The following YPEL2 variants were observed in gnomAD, a reference collection of about 807,000 sequenced individuals.
YPEL2 encodes yippee like 2, also known as protein yippee-like 2.
A neutral mutation model predicts 19.1 loss-of-function variants in YPEL2; 2 were observed. The ratio of observed to expected loss-of-function variants is 0.10; its 90% confidence interval spans 0.04 to 0.33. The LOEUF (loss-of-function observed/expected upper bound fraction) is 0.33, where lower values mean the gene tolerates loss of function less well. Among genes scored for constraint, YPEL2 ranks in the 10% least tolerant of loss-of-function variants. The pLI, the probability that YPEL2 is intolerant of heterozygous loss-of-function variation, is 1.00. For missense variants in YPEL2, 66 were observed against 140.7 expected (o/e 0.47, Z 2.68); for synonymous variants, 52 against 50.0 (o/e 1.04, Z -0.17).
chr17:59,386,330 A>G lies in YPEL2; in HGVS notation c.118-1997A>G, dbSNP rs181696040. ...TGACAGAGTGGGACTCTCTTGGGGG[A>G]AAAAAAAAAGGAAAGAAAGAAAAAG... On this transcript the variant is annotated intron_variant, in intron 2 of 4. Transcript: ENST00000312655. 4.3e-4 allele frequency among the ~76,000 whole-genome samples: 62 copies of G among 144,968 alleles called. No homozygotes were observed. In the East Asian group the frequency reaches 5.1e-3, roughly 12 times the overall value.
At position 59,383,218 on chromosome 17, in the gene YPEL2, CTT is replaced by C. The variant is rs370562447; in HGVS notation, c.118-5107_118-5106del. ...ATATTTACATACAGTAAAATTCACTCTTTGGTGAATAGTCATACGAGTTTTAA... is the reference window on the plus strand; with the variant it reads ...ATATTTACATACAGTAAAATTCACTCTGGTGAATAGTCATACGAGTTTTAA... On this transcript the variant is annotated intron_variant, in intron 2 of 4. Transcript: ENST00000312655. Among the ~76,000 whole-genome samples, 13 of 152,008 alleles carry C rather than the reference CTT, an allele frequency of 8.6e-5. No homozygotes were observed. The East Asian group carries it at 1.9e-3, about 23-fold the overall frequency.
At chr17:59,333,157 G>T (rs1445595161) in intron 1 of YPEL2, among the ~76,000 whole-genome samples, 2 of 152,204 alleles carry the variant, frequency 1.3e-5, no homozygotes, top group Non-Finnish European at 2.9e-5. Flanking sequence ...TCTTGCCTCC[G>T]GTGAGGAACA....
At chr17:59,359,211 A>G (rs867792836) in intron 2 of YPEL2, among the ~76,000 whole-genome samples, 2 of 152,180 alleles carry the variant, frequency 1.3e-5, no homozygotes, top group South Asian at 4.1e-4. Flanking sequence ...GGCGTGACCC[A>G]CTGCACCCAG....
At chr17:59,344,655 G>C (rs993999652) in intron 1 of YPEL2, among the ~76,000 whole-genome samples, 2 of 152,170 alleles carry the variant, frequency 1.3e-5, no homozygotes, top group Non-Finnish European at 2.9e-5. Flanking sequence ...CTACCCGGGA[G>C]GGTGAGGCAG....
rs148910989 is a variant in YPEL2 at position 59,387,935 on chromosome 17, C to A, written c.118-392C>A. Among the ~76,000 whole-genome samples the A allele has an allele frequency of 4.7e-3, 717 of 152,306 alleles. 8 individuals carry two copies. In the Middle Eastern group the frequency reaches 0.051, roughly 11 times the overall value. ...GCTTGTGGTGGTTTCCATGCCTGGG[C>A]CAGCCTGGGAAAGCTGTGGCCAGCA... On this transcript the variant is annotated intron_variant, in intron 2 of 4. Coordinates refer to ENST00000312655, the MANE Select transcript of YPEL2 (RefSeq NM_001005404.4).
Position 59,351,250 on chromosome 17 carries a change from C to T in YPEL2, c.-195-1965C>T, listed in dbSNP as rs181129433. Among the ~76,000 whole-genome samples the T allele has an allele frequency of 1.9e-3, 291 of 152,178 alleles. 1 individual carries two copies. Among genetic ancestry groups the T allele is most frequent in the African/African-American group, 6.7e-3 (280 of 41,494 alleles). On this transcript the variant is annotated intron_variant, in intron 1 of 4. Coordinates refer to ENST00000312655, the MANE Select transcript of YPEL2 (RefSeq NM_001005404.4). ...ATTAGCCAGGCGTGGTGGCGGGCGCCTGTAATTCTAGGTACATGGGAGGCT... is the reference window on the plus strand; with the variant it reads ...ATTAGCCAGGCGTGGTGGCGGGCGCTTGTAATTCTAGGTACATGGGAGGCT...
At chr17:59,383,443 A>G (rs2047960126) in intron 2 of YPEL2, among the ~76,000 whole-genome samples, 1 of 150,298 alleles carries the variant, frequency 6.7e-6, no homozygotes, top group South Asian at 2.1e-4. Flanking sequence ...CTAAAAATAC[A>G]AAAAATTAGC....
chr17:59,339,951 A>G (rs2047719464), intron 1 of YPEL2, among the ~76,000 whole-genome samples: 1 of 151,964 alleles, frequency 6.6e-6, no homozygotes. Flanking sequence ...CCTTCCTCCA[A>G]CCAAGGCTTA....
rs369204220 is a variant in YPEL2 at position 59,366,188 on chromosome 17, A to G, written c.117+12662A>G. 252 of 154,344 alleles carry G rather than the reference A, an allele frequency of 1.6e-3. 4 individuals carry two copies. The highest frequency in any genetic ancestry group is 5.7e-3 in the African/African-American group (239 of 41,612). 9.6% of individuals were successfully genotyped at this position (154,344 alleles called of 1,614,324 possible). On this transcript the variant is annotated intron_variant, in intron 2 of 4. Coordinates refer to ENST00000312655, the MANE Select transcript of YPEL2 (RefSeq NM_001005404.4). ...TCCTCACCAAAACAAAAAATCCCTG[A>G]GCAAACCCTCCTGCAGAGGGCCCTG...
chr17:59,337,581 A>G (rs2047706302), intron 1 of YPEL2, among the ~76,000 whole-genome samples: 1 of 152,214 alleles, frequency 6.6e-6, no homozygotes, highest in Non-Finnish European at 1.5e-5. Flanking sequence ...TTGGAAATTT[A>G]TAGCATGATA....
intron 4 of YPEL2, among the ~76,000 whole-genome samples, chr17:59,393,131 G>A (rs2048016386): frequency 6.6e-6 from 1 of 152,030 alleles, no homozygotes; most frequent in Admixed American, 6.6e-5. Context: ...CTGTGTCTCG[G>A]GGCTATTGAT....
chr17:59,366,650 G>A (rs1169641269), intron 2 of YPEL2, among the ~76,000 whole-genome samples: 1 of 152,132 alleles, frequency 6.6e-6, no homozygotes. Flanking sequence ...TTACATTCCT[G>A]ACCTTCTGAA....
At chr17:59,363,125 A>G (rs2147944496) in intron 2 of YPEL2, 1 of 151,916 alleles carries the variant, frequency 6.6e-6, no homozygotes, top group South Asian at 2.1e-4. Context: ...TTGATTGAAC[A>G]CCTTCTTAGT....
chr17:59,339,402 A>T (rs2047716509), intron 1 of YPEL2, among the ~76,000 whole-genome samples: 1 of 152,226 alleles, frequency 6.6e-6, no homozygotes, highest in Admixed American at 6.5e-5. Flanking sequence ...GCAGAGAGGT[A>T]CAACAAGAGC....
intron 1 of YPEL2, among the ~76,000 whole-genome samples, chr17:59,347,471 C>CT (rs1397539997): frequency 2.0e-5 from 3 of 152,156 alleles, no homozygotes; most frequent in African/African-American, 7.2e-5. Flanking sequence ...TTTCTGAAAA[C>CT]TTTAAGAGTG....
chr17:59,389,022 T>C, intron 3 of YPEL2: 1 of 335,678 alleles, frequency 3.0e-6, no homozygotes, highest in Non-Finnish European at 5.7e-6. Flanking sequence ...TGTGAGGACC[T>C]GTGCCCATGG....
intron 2 of YPEL2, among the ~76,000 whole-genome samples, chr17:59,364,722 A>G (rs553499266): frequency 1.2e-3 from 185 of 151,138 alleles, no homozygotes; most frequent in African/African-American, 4.1e-3. Flanking sequence ...AGTTGAAGCA[A>G]TTCTCCTATT....
In YPEL2 at chr17:59,380,272, CTTTT is replaced by C. The variant is rs548409762; in HGVS notation, c.118-8036_118-8033del. Among the ~76,000 whole-genome samples, 447 of 106,376 alleles carry C rather than the reference CTTTT, an allele frequency of 4.2e-3. 2 individuals are homozygous for C. The highest frequency in any genetic ancestry group is 0.014 in the African/African-American group (352 of 25,300). The allele number at this position is 106,376 out of a possible 152,430, so 69.8% of individuals were successfully genotyped here. A position where few individuals can be genotyped will look rare whatever the true frequency, so the allele number is the denominator to read the frequency against. ...GCACTTGATAAACAGTATCTAACTT[CTTTT>C]TTTTTTTTTTTTTTTTTTGAGATGG... On this transcript the variant is annotated intron_variant, in intron 2 of 4. Transcript: ENST00000312655.
intron 2 of YPEL2, among the ~76,000 whole-genome samples, chr17:59,373,023 G>T (rs534513307): frequency 2.0e-5 from 3 of 152,260 alleles, no homozygotes; most frequent in South Asian, 2.1e-4. Flanking sequence ...ACAGGCGTGT[G>T]CCACCACACA....
Sources: gnomAD v4.1 joint callset for allele counts (sites outside exome capture counted in the v4.1 genomes callset) on GRCh38, gnomAD v4.1.1 for gene constraint, MANE v1.5 for transcripts, NCBI Gene and HGNC (gene_info 2026-07-23, HGNC 2026-07-21) for gene names.